Variants in SLCO1B1 observed in about 807,000 individuals in gnomAD.
SLCO1B1 encodes OATP-2.
SLCO1B1 carries 81 observed loss-of-function variants against 70.1 expected under a neutral mutation model. That is an observed-to-expected ratio of 1.16 (90% CI 0.97 to 1.39). The LOEUF (loss-of-function observed/expected upper bound fraction) is 1.39, where lower values mean the gene tolerates loss of function less well. SLCO1B1 is among the 40% of genes most tolerant of loss of function. The pLI is 0.00. For missense variants in SLCO1B1, 895 were observed against 799.6 expected (o/e 1.12, Z -1.44); for synonymous variants, 283 against 271.5 (o/e 1.04, Z -0.42).
At chr12:21,199,446 G>GTATTATTAC (rs1248690274) in intron 8 of SLCO1B1, among the ~76,000 whole-genome samples, 4 of 152,120 alleles carry the variant, frequency 2.6e-5, no homozygotes, top group African/African-American at 9.7e-5. Context: ...ATAGGTGGTT[G>GTATTATTAC]TATTATTACT....
rs4149067 is a variant in SLCO1B1, at chr12:21,200,977, C to G, written c.1135+305C>G. Reference sequence around the variant, plus strand: ...TTTAGTGCTAAGATCTGAGACAAACCCTTTTGTAATTATAATCATTATAAT... The same window carrying G: ...TTTAGTGCTAAGATCTGAGACAAACGCTTTTGTAATTATAATCATTATAAT... On this transcript the variant is annotated intron_variant, in intron 9 of 14. Coordinates refer to ENST00000256958, the MANE Select transcript of SLCO1B1 (RefSeq NM_006446.5). Among the ~76,000 whole-genome samples, 47,802 of 151,808 alleles carry G rather than the reference C, an allele frequency of 0.31. 9,095 individuals are homozygous for G. The highest frequency in any genetic ancestry group is 0.72 in the East Asian group (3,711 of 5,164).
intron 11 of SLCO1B1, among the ~76,000 whole-genome samples, chr12:21,211,095 C>T (rs369406469): frequency 6.6e-6 from 1 of 151,720 alleles, no homozygotes; most frequent in Admixed American, 6.6e-5. Flanking sequence ...TTCCAACACT[C>T]TGTTGAATAG....
At chr12:21,161,780 G>T in intron 2 of SLCO1B1, among the ~76,000 whole-genome samples, 1 of 152,096 alleles carries the variant, frequency 6.6e-6, no homozygotes. Flanking sequence ...TGCCGAGGTG[G>T]GCGAATCACT....
intron 1 of SLCO1B1, among the ~76,000 whole-genome samples, chr12:21,134,075 C>T (rs1247251749): frequency 6.6e-6 from 1 of 152,152 alleles, no homozygotes; most frequent in Admixed American, 6.5e-5. Context: ...GCCTTTTCTG[C>T]ATCTATTGAG....
At chr12:21,161,001 A>G (rs1005483325) in intron 2 of SLCO1B1, among the ~76,000 whole-genome samples, 13 of 152,190 alleles carry the variant, frequency 8.5e-5, no homozygotes, top group African/African-American at 3.1e-4. Context: ...TTAAAAAATA[A>G]AAAACTAACA....
chr12:21,158,208 TAAGTA>T (rs1487253841), intron 2 of SLCO1B1, among the ~76,000 whole-genome samples: 12 of 152,250 alleles, frequency 7.9e-5, no homozygotes, highest in East Asian at 3.9e-4. Context: ...CTAAGTATAT[TAAGTA>T]AAGTAATAGC....
chr12:21,204,101 T>C (rs930671953), intron 10 of SLCO1B1, among the ~76,000 whole-genome samples: 1 of 152,030 alleles, frequency 6.6e-6, no homozygotes, highest in Non-Finnish European at 1.5e-5. Flanking sequence ...ATATAATTAA[T>C]GGATTCAACA....
intron 7 of SLCO1B1, among the ~76,000 whole-genome samples, chr12:21,179,341 G>A (rs2121109548): frequency 6.6e-6 from 1 of 152,248 alleles, no homozygotes; most frequent in Admixed American, 6.5e-5. Flanking sequence ...TTCAGTTGAT[G>A]GTGGCTTGGA....
intron 12 of SLCO1B1, among the ~76,000 whole-genome samples, chr12:21,219,350 A>C (rs1679234224): frequency 6.6e-6 from 1 of 152,232 alleles, no homozygotes; most frequent in African/African-American, 2.4e-5. Flanking sequence ...AATCCAGGCA[A>C]GGTAGAAGAA....
intron 11 of SLCO1B1, among the ~76,000 whole-genome samples, chr12:21,209,933 G>A (rs895443753): frequency 3.2e-4 from 48 of 152,102 alleles, no homozygotes; most frequent in African/African-American, 1.1e-3. Context: ...AAATCTGTTG[G>A]AGTTAATTGT....
chr12:21,136,423 T>C (rs1362527868), intron 1 of SLCO1B1, among the ~76,000 whole-genome samples: 2 of 152,170 alleles, frequency 1.3e-5, no homozygotes, highest in African/African-American at 4.8e-5. Context: ...TCCTGCAGAG[T>C]GTTTTCCAAC....
In SLCO1B1 at chr12:21,238,964, T is replaced by A. The variant is rs545704533; in HGVS notation, c.1866-15T>A. ...TTTAAACTGATTTATTGTTTTATTT[T>A]CTCTATTTCTACAGAAGGGTCTACT... On this transcript the variant is annotated splice_polypyrimidine_tract_variant and intron_variant, in intron 14 of 14. Transcript: ENST00000256958. The A allele has an allele frequency of 6.8e-7, 1 of 1,460,366 alleles. No homozygotes were observed. Among genetic ancestry groups the A allele is most frequent in the Non-Finnish European group, 9.5e-7 (1 of 1,047,574 alleles). The allele number at this position is 1,460,366 out of a possible 1,614,324, so 90.5% of individuals were successfully genotyped here. A position where few individuals can be genotyped will look rare whatever the true frequency, so the allele number is the denominator to read the frequency against.
chr12:21,200,268 G>A (rs1303337037), intron 8 of SLCO1B1, among the ~76,000 whole-genome samples: 2 of 152,084 alleles, frequency 1.3e-5, no homozygotes, highest in East Asian at 1.9e-4. Flanking sequence ...CAGCACTTAC[G>A]TATGACCCTA....
At chr12:21,141,714 A>G in intron 2 of SLCO1B1, 56 bp downstream of exon 2, 1 of 1,051,354 alleles carries the variant, frequency 9.5e-7, no homozygotes, top group Non-Finnish European at 1.5e-6. Context: ...ACTTTAATGT[A>G]TAGAAAAGCA....
chr12:21,237,188 C>A (rs1941604710), intron 14 of SLCO1B1, among the ~76,000 whole-genome samples: 1 of 151,950 alleles, frequency 6.6e-6, no homozygotes, highest in Non-Finnish European at 1.5e-5. Context: ...ATAATCATAA[C>A]TTTTTATGTT....
intron 7 of SLCO1B1, among the ~76,000 whole-genome samples, chr12:21,188,178 T>A (rs1409354623): frequency 6.6e-6 from 1 of 151,812 alleles, no homozygotes; most frequent in African/African-American, 2.4e-5. Flanking sequence ...TATGAAATAG[T>A]TACTGAATGT....
At chr12:21,183,547 T>C (rs1940930141) in intron 7 of SLCO1B1, among the ~76,000 whole-genome samples, 1 of 152,196 alleles carries the variant, frequency 6.6e-6, no homozygotes, top group Non-Finnish European at 1.5e-5. Flanking sequence ...AGCAAGAATC[T>C]AGCTATAAAT....
At chr12:21,134,411 C>T (rs575821885) in intron 1 of SLCO1B1, among the ~76,000 whole-genome samples, 29 of 152,248 alleles carry the variant, frequency 1.9e-4, no homozygotes, top group South Asian at 6.2e-4. Context: ...AGTATTGGTA[C>T]CAGTTCCTCC....
At chr12:21,161,404 C>G (rs1297706805) in intron 2 of SLCO1B1, among the ~76,000 whole-genome samples, 1 of 152,108 alleles carries the variant, frequency 6.6e-6, no homozygotes, top group Non-Finnish European at 1.5e-5. Context: ...CAAACTAACA[C>G]AGGAAGAGAA....
Sources: allele counts gnomAD v4.1 joint callset (sites outside exome capture counted in the v4.1 genomes callset), GRCh38; gene constraint gnomAD v4.1.1; transcripts MANE v1.5; gene names NCBI Gene and HGNC (gene_info 2026-07-23, HGNC 2026-07-21).